Variants in GOLGA5 observed in about 807,000 individuals in gnomAD.
The protein encoded by GOLGA5 is golgin subfamily A member 5.
In GOLGA5, 50 loss-of-function variants were observed where a neutral mutation model predicts 93.5. The observed-to-expected ratio is 0.53, with a 90% CI of 0.43 to 0.68. The LOEUF is 0.68. Ranked by LOEUF, GOLGA5 falls within the 30% of genes least tolerant of loss-of-function variation. The probability of loss-of-function intolerance (pLI) is 0.00; values close to 1 mark genes in which losing one functional copy is unlikely to be tolerated. For synonymous variants in GOLGA5, 312 were observed against 304.5 expected (o/e 1.02, Z -0.26); for missense variants, 760 against 856.4 (o/e 0.89, Z 1.40).
At chr14:92,824,030 CTA>C (rs1377328636) in intron 8 of GOLGA5, among the ~76,000 whole-genome samples, 3 of 151,956 alleles carry the variant, frequency 2.0e-5, no homozygotes, top group East Asian at 3.8e-4. Context: ...TTATATAAAA[CTA>C]TTGATTTTTA....
chr14:92,808,508 TGGTGGTG>T (rs1170209186), intron 3 of GOLGA5, among the ~76,000 whole-genome samples: 2 of 151,992 alleles, frequency 1.3e-5, no homozygotes, highest in East Asian at 3.9e-4. Context: ...TAGCTGAATA[TGGTGGTG>T]TACACCTGTA....
chr14:92,794,687 C>G (rs1029671011), intron 1 of GOLGA5, among the ~76,000 whole-genome samples: 2 of 152,086 alleles, frequency 1.3e-5, no homozygotes, highest in African/African-American at 4.8e-5. Context: ...CCTGGCCTGG[C>G]CGTTCTTCCC....
intron 9 of GOLGA5, among the ~76,000 whole-genome samples, chr14:92,825,273 T>G (rs542200788): frequency 6.6e-6 from 1 of 152,360 alleles, no homozygotes; most frequent in South Asian, 2.1e-4. Context: ...GTTTGAACTA[T>G]GAAAAGTCAA....
chr14:92,814,177 C>T (rs1049744651), intron 6 of GOLGA5, among the ~76,000 whole-genome samples: 11 of 151,924 alleles, frequency 7.2e-5, no homozygotes, highest in African/African-American at 2.4e-4. Context: ...CGATGTGTAA[C>T]CTAACGGGGA....
intron 9 of GOLGA5, among the ~76,000 whole-genome samples, chr14:92,825,586 T>C (rs185560785): frequency 1.3e-5 from 2 of 152,218 alleles, no homozygotes; most frequent in East Asian, 3.9e-4. Context: ...TTAGGCCAGG[T>C]GAGGTAGTTC....
In GOLGA5 at chr14:92,796,838, C is replaced by T. The variant is rs188998571; in HGVS notation, c.-30-570C>T. On this transcript the variant is annotated intron_variant, in intron 1 of 12. Coordinates refer to ENST00000163416, the MANE Select transcript of GOLGA5 (RefSeq NM_005113.4). ...ACAAAAAATTAGCCGGGCGCGGTGG[C>T]GGGTGCCTGTAGTCCCAGCTACTCG... 2.7e-4 allele frequency among the ~76,000 whole-genome samples: 18 copies of T among 65,628 alleles called. 7 individuals carry two copies. Among genetic ancestry groups the T allele is most frequent in the African/African-American group, 1.3e-3 (16 of 12,408 alleles). 43.1% of individuals were successfully genotyped at this position (65,628 alleles called of 152,430 possible). A position where few individuals can be genotyped will look rare whatever the true frequency, so the allele number is the denominator to read the frequency against.
chr14:92,802,905 A>G (rs11851007), intron 2 of GOLGA5, among the ~76,000 whole-genome samples: 9,628 of 152,116 alleles, frequency 0.063, 365 homozygotes, highest in Middle Eastern at 0.12. Context: ...ACTGGGATGC[A>G]GGTGCACACC....
In GOLGA5 at chr14:92,839,355, T is replaced by G. The variant is rs1471042795; in HGVS notation, c.2116-11T>G. 7.5e-6 allele frequency: 12 copies of G among 1,604,908 alleles called. No homozygotes were observed. The highest frequency in any genetic ancestry group is 1.0e-5 in the Non-Finnish European group (12 of 1,171,936). On this transcript the variant is annotated splice_polypyrimidine_tract_variant and intron_variant, in intron 12 of 12. Transcript: ENST00000163416. ...ATTGGCTAATCCACAAATTGCTTTT[T>G]CTTTCTCTAGGCTTTGCTTCACCTC...
Position 92,806,845 on chromosome 14 carries a change from T to C in GOLGA5, c.654T>C (p.Asp218=). The C allele has an allele frequency of 6.2e-7, 1 of 1,613,544 alleles. No homozygotes were observed. The highest frequency in any genetic ancestry group is 1.1e-5 in the South Asian group (1 of 91,080). ...CPDHTPTPND[D]GKSHELSNLR... is the part of the protein sequence containing the mutation. ...ACCACACCCCAACACCTAATGATGA[T>C]GGCAAATCACATGAACTGTCTAACC... The change falls in exon 3 of 13, where the codon GAT becomes GAC. Residue 218 remains aspartate, a synonymous_variant. Coordinates refer to ENST00000163416, the MANE Select transcript of GOLGA5 (RefSeq NM_005113.4).
chr14:92,835,672 A>C lies in GOLGA5; in HGVS notation c.2051+8A>C. The C allele has an allele frequency of 6.5e-7, 1 of 1,539,070 alleles. No homozygotes were observed. The highest frequency in any genetic ancestry group is 9.0e-7 in the Non-Finnish European group (1 of 1,111,942). The stretch of plus-strand genomic sequence containing the variant: ...TTCAATTGATCAGTTTAGGTAAGCA[A>C]TGCCAGTAGGGATGAGTGATGGACC... On this transcript the variant is annotated splice_region_variant and intron_variant, in intron 11 of 12. Transcript: ENST00000163416.
rs757232218 is a variant in GOLGA5 at position 92,808,680 on chromosome 14, TAAGA to T, written c.773-616_773-613del. ...GTTTTTGGGTTTTTTTTTTTTTCTT[TAAGA>T]AAGGTGTGTCTCACTGGAAAAAAAA... is the stretch of plus-strand genomic sequence containing the variant. On this transcript the variant is annotated intron_variant, in intron 3 of 12. Coordinates refer to ENST00000163416, the MANE Select transcript of GOLGA5 (RefSeq NM_005113.4). 1.2e-3 allele frequency among the ~76,000 whole-genome samples: 151 copies of T among 126,794 alleles called. 1 individual carries two copies. Among genetic ancestry groups the T allele is most frequent in the Non-Finnish European group, 1.6e-3 (97 of 61,892 alleles). The allele number at this position is 126,794 out of a possible 152,430, so 83.2% of individuals were successfully genotyped here. A position where few individuals can be genotyped will look rare whatever the true frequency, so the allele number is the denominator to read the frequency against.
chr14:92,838,373 GTT>G (rs3831877), intron 12 of GOLGA5, among the ~76,000 whole-genome samples: 1 of 148,750 alleles, frequency 6.7e-6, no homozygotes, highest in East Asian at 2.0e-4. Flanking sequence ...GTTTTGTGTT[GTT>G]TTTTTTTTCT....
intron 9 of GOLGA5, among the ~76,000 whole-genome samples, chr14:92,826,820 T>C (rs532509351): frequency 6.6e-6 from 1 of 152,212 alleles, no homozygotes; most frequent in South Asian, 2.1e-4. Flanking sequence ...AAAAATTAAT[T>C]TGAGATGACG....
intron 2 of GOLGA5, among the ~76,000 whole-genome samples, chr14:92,799,698 C>G (rs1184297276): frequency 6.6e-6 from 1 of 152,134 alleles, no homozygotes; most frequent in Non-Finnish European, 1.5e-5. Flanking sequence ...CCTCCACCTC[C>G]TGGGTTCAAG....
intron 6 of GOLGA5, among the ~76,000 whole-genome samples, chr14:92,812,589 CAT>C (rs1310946390): frequency 6.6e-6 from 1 of 152,156 alleles, no homozygotes; most frequent in African/African-American, 2.4e-5. Context: ...TTTCCTACTA[CAT>C]GTCTGAAATT....
chr14:92,815,468 G>C (rs755023991), intron 6 of GOLGA5, among the ~76,000 whole-genome samples: 1 of 152,034 alleles, frequency 6.6e-6, no homozygotes, highest in Non-Finnish European at 1.5e-5. Context: ...TCTTTATTGC[G>C]CAGAACACTT....
At chr14:92,799,299 C>T (rs1272491046) in intron 2 of GOLGA5, among the ~76,000 whole-genome samples, 27 of 126,190 alleles carry the variant, frequency 2.1e-4, no homozygotes, top group African/African-American at 9.3e-4. Context: ...TTTTTTGAGA[C>T]GGAGTCTCAC....
intron 2 of GOLGA5, among the ~76,000 whole-genome samples, chr14:92,799,272 ATTTTT>A (rs1191305000): frequency 8.1e-6 from 1 of 124,214 alleles, no homozygotes; most frequent in Non-Finnish European, 1.6e-5. Context: ...GGCCATAGGG[ATTTTT>A]TTTTTTTTTT....
At chr14:92,822,404 C>G (rs567300141) in intron 8 of GOLGA5, among the ~76,000 whole-genome samples, 52 of 152,328 alleles carry the variant, frequency 3.4e-4, no homozygotes, top group African/African-American at 1.1e-3. Context: ...TACTCCTTCT[C>G]TGTTCTACGT....
Sources: gnomAD v4.1 joint callset for allele counts (sites outside exome capture counted in the v4.1 genomes callset) on GRCh38, gnomAD v4.1.1 for gene constraint, MANE v1.5 for transcripts, NCBI Gene and HGNC (gene_info 2026-07-23, HGNC 2026-07-21) for gene names.